DNAI7: variants seen among roughly 807,000 people sequenced by gnomAD.
The protein encoded by DNAI7 is dynein axonemal intermediate chain 7, also known as cancer susceptibility 1.
Under a neutral mutation model 86.6 loss-of-function variants are expected in DNAI7, and 78 were observed. The ratio of observed to expected loss-of-function variants is 0.90; its 90% CI spans 0.75 to 1.09. The LOEUF (loss-of-function observed/expected upper bound fraction) is 1.09, where lower values mean the gene tolerates loss of function less well. Among genes scored for constraint, DNAI7 ranks in the 50% least tolerant of loss-of-function variants. The probability of loss-of-function intolerance (pLI) is 0.00; values close to 1 mark genes in which losing one functional copy is unlikely to be tolerated. For missense variants in DNAI7, 753 were observed against 810.2 expected, an observed-to-expected ratio of 0.93 and a Z score of 0.86; for synonymous variants, 274 against 273.0, an observed-to-expected ratio of 1.00 and a Z score of -0.04.
At chr12:25,118,078 C>A (rs909816367) in intron 12 of DNAI7, among the ~76,000 whole-genome samples, 66 of 151,416 alleles carry the variant, frequency 4.4e-4, no homozygotes, top group African/African-American at 1.5e-3. Flanking sequence ...GGACTACAGG[C>A]ATGTGCCACC....
At position 25,129,695 on chromosome 12, in the gene DNAI7, T is replaced by A. The variant is rs1332323812; in HGVS notation, c.1003-6409A>T. 3.9e-5 allele frequency among the ~76,000 whole-genome samples: 6 copies of A among 152,214 alleles called. No individual in the cohort carries two copies. The East Asian group carries it at 1.2e-3, about 29-fold the overall frequency. The stretch of plus-strand genomic sequence containing the variant: ...ATGCTACACCAAAAGATTCAGCTCA[T>A]GTTACCTCATGAGAGAAGACTTCCA... On this transcript the variant is annotated intron_variant, in intron 9 of 15. Coordinates refer to ENST00000395987, the MANE Select transcript of DNAI7 (RefSeq NM_018272.5).
chr12:25,112,698 A>G (rs1939187821), intron 13 of DNAI7, among the ~76,000 whole-genome samples: 2 of 149,588 alleles, frequency 1.3e-5, no homozygotes, highest in East Asian at 4.0e-4. Context: ...GAGCCACCAC[A>G]CCTAGCCTAC....
At chr12:25,182,703 A>AC (rs1289376078) in intron 2 of DNAI7, among the ~76,000 whole-genome samples, 1 of 151,366 alleles carries the variant, frequency 6.6e-6, no homozygotes, top group East Asian at 2.0e-4. Flanking sequence ...TAAGAGGATC[A>AC]CCTGAGCCCC....
chr12:25,116,792 G>A (rs1940198084), intron 12 of DNAI7, among the ~76,000 whole-genome samples: 1 of 152,046 alleles, frequency 6.6e-6, no homozygotes, highest in Admixed American at 6.6e-5. Flanking sequence ...ACCATGCCCA[G>A]CTGTGTTAAT....
intron 12 of DNAI7, among the ~76,000 whole-genome samples, chr12:25,117,595 G>T (rs7133904): frequency 0.51 from 77,970 of 151,952 alleles, 23,311 homozygotes; most frequent in East Asian, 0.89. Context: ...TCAAAATTCA[G>T]CAAGCCTACT....
intron 1 of DNAI7, 144 bp from the exon 2 acceptor site, chr12:25,190,775 T>G: frequency 2.5e-6 from 1 of 405,034 alleles, no homozygotes; most frequent in Non-Finnish European, 4.6e-6. Context: ...TAACTTTCCT[T>G]GCAAATCTAA....
chr12:25,194,892 G>A (rs1301391191), intron 1 of DNAI7, 184 bp downstream of exon 1: 20 of 1,613,956 alleles, frequency 1.2e-5, no homozygotes, highest in Non-Finnish European at 1.7e-5. Context: ...CTACCTGTCC[G>A]CCTGGTCCAG....
intron 10 of DNAI7, among the ~76,000 whole-genome samples, chr12:25,122,845 G>A (rs1314929629): frequency 6.6e-6 from 1 of 152,108 alleles, no homozygotes; most frequent in Non-Finnish European, 1.5e-5. Flanking sequence ...ATTATTGGAT[G>A]GAATTATACA....
At chr12:25,142,211 C>A (rs185708772) in intron 9 of DNAI7, among the ~76,000 whole-genome samples, 105 of 152,284 alleles carry the variant, frequency 6.9e-4, no homozygotes, top group African/African-American at 2.4e-3. Context: ...CTGGATGGAA[C>A]TGGAGACCAT....
chr12:25,126,122 T>C (rs1942100412), intron 9 of DNAI7, among the ~76,000 whole-genome samples: 1 of 152,118 alleles, frequency 6.6e-6, no homozygotes, highest in African/African-American at 2.4e-5. Context: ...TGGGAGAGAA[T>C]TCTAATGTGA....
At position 25,154,382 on chromosome 12, in the gene DNAI7, C is replaced by A. The variant is rs980675826; in HGVS notation, c.375G>T (p.Leu125Phe). The change falls in exon 6 of 16, where the codon TTG (leucine) becomes TTT (phenylalanine). Residue 125 changes from leucine (L) to phenylalanine (F), a missense_variant. Physicochemically the swap from Leu to Phe is conservative, Grantham distance 22. Coordinates refer to ENST00000395987, the MANE Select transcript of DNAI7 (RefSeq NM_018272.5). ...AAGTCTCATTTGTTTTCTCTTTCCACAAACTAATAAACGTGTTCATTTCTT... is the reference window on the plus strand; with the variant it reads ...AAGTCTCATTTGTTTTCTCTTTCCAAAAACTAATAAACGTGTTCATTTCTT... ...VAQEMNTFIS[L>F]WKEKTNETFE... The A allele has an allele frequency of 1.1e-5, 17 of 1,611,686 alleles. No individual in the cohort carries two copies. In the Admixed American group the frequency reaches 1.2e-4, roughly 11 times the overall value.
At chr12:25,142,232 G>A (rs1164314114) in intron 9 of DNAI7, among the ~76,000 whole-genome samples, 1 of 152,122 alleles carries the variant, frequency 6.6e-6, no homozygotes, top group Non-Finnish European at 1.5e-5. Flanking sequence ...TATTGTAAGT[G>A]AAGTAACCCA....
chr12:25,156,443 G>C (rs948763291), intron 4 of DNAI7, among the ~76,000 whole-genome samples: 2 of 152,176 alleles, frequency 1.3e-5, no homozygotes, highest in Admixed American at 6.5e-5. Context: ...AAGCTTGAAA[G>C]TATTCCGATC....
intron 2 of DNAI7, among the ~76,000 whole-genome samples, chr12:25,164,071 T>C (rs930313975): frequency 6.6e-6 from 1 of 152,182 alleles, no homozygotes; most frequent in Non-Finnish European, 1.5e-5. Flanking sequence ...CCTTCACCCT[T>C]AGCGGCAAGT....
rs146652933 is a variant in DNAI7, at chr12:25,170,840, G to A, written c.22-9643C>T. ...CTCCAAAAGAAATCTTCAAAACCAT[G>A]CAAGTACATGGAAATTAAGTAACCT... On this transcript the variant is annotated intron_variant, in intron 2 of 15. Coordinates refer to ENST00000395987, the MANE Select transcript of DNAI7 (RefSeq NM_018272.5). 9.2e-5 allele frequency among the ~76,000 whole-genome samples: 14 copies of A among 152,278 alleles called. No individual in the cohort carries two copies. The East Asian group carries it at 2.5e-3, about 27-fold the overall frequency.
intron 9 of DNAI7, among the ~76,000 whole-genome samples, chr12:25,139,545 CA>C (rs1450653767): frequency 6.6e-6 from 1 of 152,154 alleles, no homozygotes; most frequent in Non-Finnish European, 1.5e-5. Flanking sequence ...CTATCCTTTG[CA>C]GGGGACATGG....
At chr12:25,135,123 T>G (rs150671475) in intron 9 of DNAI7, among the ~76,000 whole-genome samples, 1 of 152,200 alleles carries the variant, frequency 6.6e-6, no homozygotes, top group Non-Finnish European at 1.5e-5. Context: ...CACTGCAAAC[T>G]CCATGAGACA....
chr12:25,189,513 G>A (rs1316630498), intron 2 of DNAI7, among the ~76,000 whole-genome samples: 1 of 151,998 alleles, frequency 6.6e-6, no homozygotes, highest in Admixed American at 6.5e-5. Flanking sequence ...ATGGTGGCGC[G>A]TGCCTGTAAT....
At chr12:25,131,770 G>A (rs17328616) in intron 9 of DNAI7, among the ~76,000 whole-genome samples, 662 of 152,228 alleles carry the variant, frequency 4.3e-3, no homozygotes, top group Non-Finnish European at 7.1e-3. Flanking sequence ...GTCAGGGCCT[G>A]CTTTTCATCA....
Sources: allele counts gnomAD v4.1 joint callset (sites outside exome capture counted in the v4.1 genomes callset), GRCh38; gene constraint gnomAD v4.1.1; transcripts MANE v1.5; gene names NCBI Gene and HGNC (gene_info 2026-07-23, HGNC 2026-07-21).